Variants in ERG observed in about 807,000 individuals in gnomAD.
ERG encodes transcriptional regulator ERG.
In ERG, 9 loss-of-function variants were observed where a neutral mutation model predicts 55.3. The ratio of observed to expected loss-of-function variants is 0.16; its 90% CI spans 0.10 to 0.28. ERG has a LOEUF of 0.28. Ranked by LOEUF, ERG falls within the 10% of genes least tolerant of loss-of-function variation. The probability of loss-of-function intolerance (pLI) is 1.00; values close to 1 mark genes in which losing one functional copy is unlikely to be tolerated. For missense variants in ERG, 434 were observed against 631.6 expected (o/e 0.69, Z 3.35); for synonymous variants, 223 against 237.3 (o/e 0.94, Z 0.55).
intron 1 of ERG, among the ~76,000 whole-genome samples, chr21:38,455,866 G>A (rs1037347541): frequency 2.1e-5 from 3 of 143,696 alleles, no homozygotes; most frequent in African/African-American, 2.6e-5. Flanking sequence ...TAATTGGTAC[G>A]GTCCCCCCCC....
intron 2 of ERG, among the ~76,000 whole-genome samples, chr21:38,444,059 T>C (rs138389326): frequency 1.1e-4 from 17 of 152,324 alleles, no homozygotes; most frequent in African/African-American, 4.1e-4. Context: ...GCCTTGCCGT[T>C]GACATTCCCT....
At chr21:38,512,459 G>A (rs1383785459) in intron 2 of ERG, among the ~76,000 whole-genome samples, 2 of 152,186 alleles carry the variant, frequency 1.3e-5, no homozygotes, top group Non-Finnish European at 1.5e-5. Context: ...TACAAAGGAT[G>A]TCTGCTATTA....
intron 9 of ERG, among the ~76,000 whole-genome samples, chr21:38,384,843 A>T (rs1226817812): frequency 1.3e-5 from 2 of 152,074 alleles, no homozygotes; most frequent in Non-Finnish European, 2.9e-5. Flanking sequence ...GGAAAAAAAA[A>T]AAAAAAGCTG....
chr21:38,491,754 C>T lies in ERG; in HGVS notation c.18+6609G>A, dbSNP rs546205389. Among the ~76,000 whole-genome samples the T allele has an allele frequency of 1.2e-4, 18 of 152,202 alleles. No homozygotes were observed. In the South Asian group the frequency reaches 1.2e-3, roughly 11 times the overall value. On this transcript the variant is annotated intron_variant, in intron 1 of 9. Transcript: ENST00000288319. ...CTCTGACCTGCGTGTTCATTATTGA[C>T]GCCCAAGACGAGTGCAAGGAAGTTG...
chr21:38,549,155 C>T (rs2059807869), intron 2 of ERG, among the ~76,000 whole-genome samples: 2 of 151,942 alleles, frequency 1.3e-5, no homozygotes, highest in East Asian at 3.9e-4. Flanking sequence ...AACAAAAAAG[C>T]CATGCCCAAG....
At position 38,380,861 on chromosome 21, in the gene ERG, TG is replaced by T; in HGVS notation, c.*2541del. On this transcript the variant is annotated 3_prime_UTR_variant, in exon 10 of 10. Transcript: ENST00000288319. The stretch of plus-strand genomic sequence containing the variant: ...CATGAGACAGTCTTGAAGAGAGAAC[TG>T]AGTGATTATCCAAGTAAATGTGTAT... 1 of 1,065,182 alleles carries T rather than the reference TG, an allele frequency of 9.4e-7. No homozygotes were observed. The highest frequency in any genetic ancestry group is 1.1e-6 in the Non-Finnish European group (1 of 879,192). The allele number at this position is 1,065,182 out of a possible 1,614,324, so 66.0% of individuals were successfully genotyped here. A position where few individuals can be genotyped will look rare whatever the true frequency, so the allele number is the denominator to read the frequency against.
At chr21:38,573,333 A>T (rs2059972095) in intron 2 of ERG, among the ~76,000 whole-genome samples, 1 of 152,234 alleles carries the variant, frequency 6.6e-6, no homozygotes, top group Non-Finnish European at 1.5e-5. Flanking sequence ...GATTAGTAAA[A>T]GAGGAAAGCC....
chr21:38,549,042 G>A (rs1325776429), intron 2 of ERG, among the ~76,000 whole-genome samples: 3 of 151,856 alleles, frequency 2.0e-5, no homozygotes, highest in Non-Finnish European at 4.4e-5. Context: ...GAACCCAGGA[G>A]GCGGAGCTTG....
At chr21:38,657,773 T>G (rs2146995823) in intron 1 of ERG, among the ~76,000 whole-genome samples, 1 of 152,262 alleles carries the variant, frequency 6.6e-6, no homozygotes, top group East Asian at 1.9e-4. Context: ...AATGGACAAC[T>G]AATTAACTGA....
At chr21:38,543,698 T>C (rs1397470638) in intron 2 of ERG, among the ~76,000 whole-genome samples, 1 of 149,378 alleles carries the variant, frequency 6.7e-6, no homozygotes, top group African/African-American at 2.5e-5. Context: ...GAAGGGGATA[T>C]AAAAGTGGGA....
At chr21:38,552,400 A>T (rs1350145281) in intron 2 of ERG, among the ~76,000 whole-genome samples, 1 of 152,172 alleles carries the variant, frequency 6.6e-6, no homozygotes, top group African/African-American at 2.4e-5. Context: ...CTTCAGGCCA[A>T]TATTCATGAT....
At chr21:38,408,555 C>T (rs1427244282) in intron 3 of ERG, among the ~76,000 whole-genome samples, 1 of 152,206 alleles carries the variant, frequency 6.6e-6, no homozygotes, top group African/African-American at 2.4e-5. Context: ...TTTGGCCAGG[C>T]AATGATGCTG....
intron 3 of ERG, among the ~76,000 whole-genome samples, chr21:38,407,920 T>C (rs1601349718): frequency 9.0e-6 from 1 of 111,446 alleles, no homozygotes. Context: ...ATATGCTATA[T>C]ATACTACCTA....
At chr21:38,412,001 A>T (rs1989080005) in intron 3 of ERG, among the ~76,000 whole-genome samples, 1 of 152,038 alleles carries the variant, frequency 6.6e-6, no homozygotes, top group South Asian at 2.1e-4. Context: ...TCTGCTTTCT[A>T]TTTCTATTTT....
chr21:38,402,515 C>A lies in ERG; in HGVS notation c.673+42G>T, dbSNP rs376746866. The A allele has an allele frequency of 3.4e-6, 5 of 1,479,060 alleles. No individual in the cohort carries two copies. The African/African-American group carries it at 7.0e-5, about 21-fold the overall frequency. 91.6% of individuals were successfully genotyped at this position (1,479,060 alleles called of 1,614,324 possible). A position where few individuals can be genotyped will look rare whatever the true frequency, so the allele number is the denominator to read the frequency against. ...GAAAGCATGCAACCTGTACGTAAGACCCTACGCTCTTGCTGGGAGGCAGGG... is the reference window on the plus strand; with the variant it reads ...GAAAGCATGCAACCTGTACGTAAGAACCTACGCTCTTGCTGGGAGGCAGGG... On this transcript the variant is annotated intron_variant, in intron 5 of 9. Transcript: ENST00000288319.
chr21:38,558,987 G>C (rs972104121), intron 2 of ERG, among the ~76,000 whole-genome samples: 5 of 152,120 alleles, frequency 3.3e-5, no homozygotes, highest in African/African-American at 1.2e-4. Flanking sequence ...GAAAGGAGAG[G>C]GGAAGTGATG....
intron 2 of ERG, among the ~76,000 whole-genome samples, chr21:38,517,050 C>G (rs953458079): frequency 3.9e-5 from 6 of 152,008 alleles, no homozygotes; most frequent in African/African-American, 7.2e-5. Context: ...GGACATTGAT[C>G]TAAGCAAAGA....
intron 1 of ERG, among the ~76,000 whole-genome samples, chr21:38,623,332 C>T (rs569894871): frequency 1.5e-4 from 23 of 151,234 alleles, no homozygotes; most frequent in Admixed American, 1.4e-3. Context: ...CACACACACA[C>T]ACACACACAC....
At chr21:38,397,199 G>C (rs1331507560) in intron 6 of ERG, among the ~76,000 whole-genome samples, 1 of 152,146 alleles carries the variant, frequency 6.6e-6, no homozygotes, top group African/African-American at 2.4e-5. Context: ...AATTGTGCAG[G>C]GAGACTGAAC....
Sources: allele counts gnomAD v4.1 joint callset (sites outside exome capture counted in the v4.1 genomes callset), GRCh38; gene constraint gnomAD v4.1.1; transcripts MANE v1.5; gene names NCBI Gene and HGNC (gene_info 2026-07-23, HGNC 2026-07-21).